TMEM163: variants seen among roughly 807,000 people sequenced by gnomAD.
TMEM163 encodes transmembrane protein 163.
In TMEM163, 17 loss-of-function variants were observed where a neutral mutation model predicts 29.3. That is an observed-to-expected ratio of 0.58 (90% CI 0.40 to 0.87). The LOEUF is 0.87. Ranked by LOEUF, TMEM163 falls within the 40% of genes least tolerant of loss-of-function variation. The pLI, the probability that TMEM163 is intolerant of heterozygous loss-of-function variation, is 0.00. For missense variants in TMEM163, 303 were observed against 381.5 expected (o/e 0.79, Z 1.71); for synonymous variants, 157 against 160.6 (o/e 0.98, Z 0.17).
chr2:134,647,016 A>G (rs897326184), intron 2 of TMEM163, among the ~76,000 whole-genome samples: 1 of 152,206 alleles, frequency 6.6e-6, no homozygotes, highest in Non-Finnish European at 1.5e-5. Flanking sequence ...AAAGGGCACC[A>G]TATGCCAAGG....
Position 134,602,017 on chromosome 2 carries a change from C to T in TMEM163, c.323-49926G>A, listed in dbSNP as rs145213765. 5.3e-3 allele frequency among the ~76,000 whole-genome samples: 802 copies of T among 152,250 alleles called. 8 individuals carry two copies. Among genetic ancestry groups the T allele is most frequent in the Middle Eastern group, 0.014 (4 of 294 alleles). On this transcript the variant is annotated intron_variant, in intron 2 of 7. Coordinates refer to ENST00000281924, the MANE Select transcript of TMEM163 (RefSeq NM_030923.5). The stretch of plus-strand genomic sequence containing the variant: ...GTAGGAATGCTCCTCCCTGACCACT[C>T]CCAAACTTGTCCTTCAAGGAGAAAA...
chr2:134,592,855 C>T (rs953074239), intron 2 of TMEM163, among the ~76,000 whole-genome samples: 1 of 50,718 alleles, frequency 2.0e-5, no homozygotes, highest in Non-Finnish European at 4.9e-5. Context: ...TATAGAGATA[C>T]AGATATTAAT....
At chr2:134,647,073 C>T (rs1683351103) in intron 2 of TMEM163, among the ~76,000 whole-genome samples, 1 of 152,174 alleles carries the variant, frequency 6.6e-6, no homozygotes, top group Non-Finnish European at 1.5e-5. Flanking sequence ...AAATCCAGAC[C>T]TGCCAATCAT....
intron 5 of TMEM163, among the ~76,000 whole-genome samples, chr2:134,475,499 C>T (rs888619435): frequency 3.9e-5 from 6 of 152,098 alleles, no homozygotes; most frequent in African/African-American, 1.4e-4. Context: ...ATTAATTAGA[C>T]TTTATCAAAA....
At position 134,702,517 on chromosome 2, in the gene TMEM163, C is replaced by T. The variant is rs139113345; in HGVS notation, c.322+10683G>A. On this transcript the variant is annotated intron_variant, in intron 2 of 7. Coordinates refer to ENST00000281924, the MANE Select transcript of TMEM163 (RefSeq NM_030923.5). ...AAAATTAGCCGGGCATGGTGGCACG[C>T]CCCTGTAGTCCCAGCTACTTGGGAG... Among the ~76,000 whole-genome samples, 107 of 152,026 alleles carry T rather than the reference C, an allele frequency of 7.0e-4. 2 individuals carry two copies. In the East Asian group the frequency reaches 0.014, roughly 20 times the overall value.
intron 2 of TMEM163, among the ~76,000 whole-genome samples, chr2:134,703,296 A>G (rs1035766281): frequency 1.3e-5 from 2 of 152,220 alleles, no homozygotes; most frequent in Non-Finnish European, 2.9e-5. Context: ...ACAGGAGGTC[A>G]GGTGCTCCAT....
intron 5 of TMEM163, among the ~76,000 whole-genome samples, chr2:134,470,667 C>T (rs572486378): frequency 1.2e-4 from 18 of 152,284 alleles, no homozygotes; most frequent in African/African-American, 1.7e-4. Context: ...ATGAACCCTG[C>T]GGAGGAACCC....
At chr2:134,665,940 G>C (rs1463726766) in intron 2 of TMEM163, among the ~76,000 whole-genome samples, 1 of 152,162 alleles carries the variant, frequency 6.6e-6, no homozygotes, top group East Asian at 1.9e-4. Context: ...TGCTTTTAAA[G>C]TAGCTGAATG....
chr2:134,554,422 C>CAAAAA lies in TMEM163; in HGVS notation c.323-2336_323-2332dup, dbSNP rs941286100. Among the ~76,000 whole-genome samples, 107 of 21,144 alleles carry CAAAAA rather than the reference C, an allele frequency of 5.1e-3. 6 individuals carry two copies. The highest frequency in any genetic ancestry group is 0.011 in the African/African-American group (83 of 7,430). 13.9% of individuals were successfully genotyped at this position (21,144 alleles called of 152,430 possible). A position where few individuals can be genotyped will look rare whatever the true frequency, so the allele number is the denominator to read the frequency against. On this transcript the variant is annotated intron_variant, in intron 2 of 7. Coordinates refer to ENST00000281924, the MANE Select transcript of TMEM163 (RefSeq NM_030923.5). The stretch of plus-strand genomic sequence containing the variant: ...TTGGTGACAGAGCGAGACCCCATCT[C>CAAAAA]AAAAAAAAAAAAAAAAAAAAAAAAA...
chr2:134,509,383 T>C (rs10928496), intron 4 of TMEM163, among the ~76,000 whole-genome samples: 3 of 152,126 alleles, frequency 2.0e-5, no homozygotes, highest in Admixed American at 2.0e-4. Flanking sequence ...GGTCAATTTA[T>C]GTGGACTAAC....
chr2:134,513,277 T>C (rs1679988844), intron 4 of TMEM163, among the ~76,000 whole-genome samples: 1 of 152,112 alleles, frequency 6.6e-6, no homozygotes, highest in Non-Finnish European at 1.5e-5. Context: ...ACGCAGTAAG[T>C]GTGGGATGTG....
intron 4 of TMEM163, among the ~76,000 whole-genome samples, chr2:134,543,644 C>T (rs963870497): frequency 6.6e-6 from 1 of 152,216 alleles, no homozygotes; most frequent in Non-Finnish European, 1.5e-5. Flanking sequence ...TTTTAAATTT[C>T]TGGAGTTGTT....
chr2:134,621,821 G>A (rs902660549), intron 2 of TMEM163, among the ~76,000 whole-genome samples: 18 of 152,224 alleles, frequency 1.2e-4, no homozygotes, highest in African/African-American at 4.1e-4. Flanking sequence ...AACCCGGGAG[G>A]TGGAGCTTGC....
chr2:134,494,237 T>C (rs1448680580), intron 5 of TMEM163, among the ~76,000 whole-genome samples: 2 of 152,176 alleles, frequency 1.3e-5, no homozygotes, highest in Non-Finnish European at 2.9e-5. Flanking sequence ...AATGGAATTA[T>C]TTTGTCTTGA....
At chr2:134,686,046 T>A (rs1039551828) in intron 2 of TMEM163, among the ~76,000 whole-genome samples, 5 of 152,166 alleles carry the variant, frequency 3.3e-5, no homozygotes, top group African/African-American at 1.2e-4. Context: ...CTGCCACAGG[T>A]CCTGGTGTCA....
chr2:134,687,722 G>A (rs966877897), intron 2 of TMEM163, among the ~76,000 whole-genome samples: 5 of 152,078 alleles, frequency 3.3e-5, no homozygotes, highest in Non-Finnish European at 5.9e-5. Flanking sequence ...AGATACCCTG[G>A]ACTTTTTCAT....
chr2:134,528,720 A>C (rs1446974331), intron 4 of TMEM163, among the ~76,000 whole-genome samples: 1 of 151,362 alleles, frequency 6.6e-6, no homozygotes, highest in Non-Finnish European at 1.5e-5. Flanking sequence ...ACAAAGTGTC[A>C]ATCTCAGTGG....
chr2:134,471,559 C>T lies in TMEM163; in HGVS notation c.556-5334G>A, dbSNP rs142512548. On this transcript the variant is annotated intron_variant, in intron 5 of 7. Transcript: ENST00000281924. ...CCTGTTTTTTAAGCCACCTAGTCTA[C>T]GACATTTGTCTTTGGCACCCCAAGC... is the stretch of plus-strand genomic sequence containing the variant. 4.2e-4 allele frequency among the ~76,000 whole-genome samples: 64 copies of T among 152,272 alleles called. No individual in the cohort carries two copies. The East Asian group carries it at 0.01, about 25-fold the overall frequency.
chr2:134,476,661 TA>T (rs1186703179), intron 5 of TMEM163, among the ~76,000 whole-genome samples: 1 of 152,206 alleles, frequency 6.6e-6, no homozygotes, highest in East Asian at 1.9e-4. Flanking sequence ...ACAGTCGTTG[TA>T]AAGATTAAAT....
Sources: gnomAD v4.1 joint callset for allele counts (sites outside exome capture counted in the v4.1 genomes callset) on GRCh38, gnomAD v4.1.1 for gene constraint, MANE v1.5 for transcripts, NCBI Gene and HGNC (gene_info 2026-07-23, HGNC 2026-07-21) for gene names.